The following ASAP3 variants were observed in gnomAD, a reference collection of about 807,000 sequenced individuals.
ASAP3 encodes the protein ArfGAP with SH3 domain, ankyrin repeat and PH domain 3, also known as arf-GAP with SH3 domain, ANK repeat and PH domain-containing protein 3.
Under a neutral mutation model 118.2 loss-of-function variants are expected in ASAP3, and 85 were observed. That is an observed-to-expected ratio of 0.72 (90% CI 0.60 to 0.86). The LOEUF is 0.86. ASAP3 is among the 40% of genes least tolerant of loss of function. The pLI, the probability that ASAP3 is intolerant of heterozygous loss-of-function variation, is 0.00. For missense variants in ASAP3, 1,026 were observed against 1,175.0 expected, an observed-to-expected ratio of 0.87 and a Z score of 1.85; for synonymous variants, 432 against 477.4, an observed-to-expected ratio of 0.90 and a Z score of 1.24.
Position 23,431,121 on chromosome 1 carries a change from C to A in ASAP3, c.2551G>T (p.Glu851Ter), listed in dbSNP as rs142945237. Residue 851 changes from glutamate to a stop codon, truncating the protein, a stop_gained, in exon 24 of 25, where the codon GAG becomes TAG. Transcript: ENST00000336689. LOFTEE classifies it high-confidence loss of function. ...EMYLPVRFSS[E>*]STRSYRRGAR... is the part of the protein sequence containing the mutation. ...CCCCGCCGATAGGAGCGAGTGCTCT[C>A]GGAGCTGGAAGGCAGGGAAAGGCCA... is the stretch of plus-strand genomic sequence containing the variant. 1.1e-5 allele frequency: 17 copies of A among 1,585,640 alleles called. No homozygotes were observed. The highest frequency in any genetic ancestry group is 1.5e-5 in the Non-Finnish European group (17 of 1,166,310).
chr1:23,441,238 C>T, intron 9 of ASAP3, 27 bp from the exon 10 acceptor site: 1 of 1,612,828 alleles, frequency 6.2e-7, no homozygotes, highest in Non-Finnish European at 8.5e-7. Context: ...CAAAGGAGAC[C>T]TCAGGGCATC....
intron 3 of ASAP3, among the ~76,000 whole-genome samples, chr1:23,455,070 T>C (rs898854773): frequency 2.0e-5 from 3 of 152,192 alleles, no homozygotes; most frequent in African/African-American, 7.2e-5. Flanking sequence ...TGAGAGGCTT[T>C]CCTGGGAGGC....
rs906904201 is a variant in ASAP3 at position 23,442,292 on chromosome 1, G to T, written c.586-21C>A. 1.3e-5 allele frequency: 20 copies of T among 1,593,328 alleles called. No homozygotes were observed. The African/African-American group carries it at 1.7e-4, about 14-fold the overall frequency. On this transcript the variant is annotated intron_variant, in intron 6 of 24. Coordinates refer to ENST00000336689, the MANE Select transcript of ASAP3 (RefSeq NM_017707.4). The stretch of plus-strand genomic sequence containing the variant: ...AGATACTAGGAGGAGGGCAGGGCAA[G>T]ATACGTGATGTGAGCTGAAGCAGAA...
At position 23,436,846 on chromosome 1, in the gene ASAP3, C is replaced by T. The variant is rs1192972904; in HGVS notation, c.1476+65G>A. 2.5e-6 allele frequency: 4 copies of T among 1,575,610 alleles called. No individual in the cohort carries two copies. The highest frequency in any genetic ancestry group is 1.8e-5 in the Admixed American group (1 of 56,846). On this transcript the variant is annotated intron_variant, in intron 15 of 24. Transcript: ENST00000336689. This position sits in a 1 kb window ranked among gnomAD's most constrained non-coding sequence, Gnocchi z 4.2. ...TCCCACCCACAACCTGCAAGCCCCGCCCCCGGATGAAACTACACCCCTAAC... is the reference window on the plus strand; with the variant it reads ...TCCCACCCACAACCTGCAAGCCCCGTCCCCGGATGAAACTACACCCCTAAC...
intron 1 of ASAP3, among the ~76,000 whole-genome samples, chr1:23,456,747 A>G (rs185862539): frequency 6.6e-4 from 101 of 152,286 alleles, no homozygotes; most frequent in Admixed American, 6.6e-3. Flanking sequence ...AGGCTCAATA[A>G]ACAGTTATGT....
chr1:23,467,730 T>C (rs773572901), intron 1 of ASAP3, among the ~76,000 whole-genome samples: 6 of 151,788 alleles, frequency 4.0e-5, no homozygotes, highest in African/African-American at 7.2e-5. Flanking sequence ...GGGAGGTGGA[T>C]CACGAGGTCA....
intron 1 of ASAP3, among the ~76,000 whole-genome samples, chr1:23,469,512 G>A (rs1262543452): frequency 6.6e-6 from 1 of 152,086 alleles, no homozygotes; most frequent in Non-Finnish European, 1.5e-5. Flanking sequence ...TGTTCAAGCG[G>A]GACAAAGAGG....
rs1640585579 is a variant in ASAP3, at chr1:23,434,951, CA to C, written c.1750-334del. The stretch of plus-strand genomic sequence containing the variant: ...ACTATCACACATGTGCAGGCTGTTC[CA>C]AATTCTTACCTCACCTAAGTGCTGC... On this transcript the variant is annotated intron_variant, in intron 17 of 24. Coordinates refer to ENST00000336689, the MANE Select transcript of ASAP3 (RefSeq NM_017707.4). Among the ~76,000 whole-genome samples, 4 of 152,182 alleles carry C rather than the reference CA, an allele frequency of 2.6e-5. No individual in the cohort carries two copies. In the South Asian group the frequency reaches 8.3e-4, roughly 32 times the overall value.
chr1:23,445,935 T>C (rs923477130), intron 5 of ASAP3, among the ~76,000 whole-genome samples: 1 of 151,986 alleles, frequency 6.6e-6, no homozygotes, highest in Non-Finnish European at 1.5e-5. Context: ...TGAGCCATGA[T>C]TGCACCACTG....
chr1:23,475,550 A>C (rs1642101267), intron 1 of ASAP3, among the ~76,000 whole-genome samples: 1 of 152,218 alleles, frequency 6.6e-6, no homozygotes, highest in South Asian at 2.1e-4. Context: ...GCAGGTTTGA[A>C]ACCCACGGTC....
intron 1 of ASAP3, among the ~76,000 whole-genome samples, chr1:23,473,761 G>C (rs1186328023): frequency 6.6e-6 from 1 of 152,050 alleles, no homozygotes; most frequent in Non-Finnish European, 1.5e-5. Flanking sequence ...GACAACTCTG[G>C]GAAGACCCTC....
rs1570329423 is a variant in ASAP3, at chr1:23,434,637, C to T, written c.1750-19G>A. Reference sequence around the variant, plus strand: ...CAGGTGCCTGAAAACACATCCACACCTCTGAGATTCCCCCCCCAGTGCACC... The same window carrying T: ...CAGGTGCCTGAAAACACATCCACACTTCTGAGATTCCCCCCCCAGTGCACC... On this transcript the variant is annotated intron_variant, in intron 17 of 24. Transcript: ENST00000336689. 3 of 1,609,890 alleles carry T rather than the reference C, an allele frequency of 1.9e-6. No homozygotes were observed. The East Asian group carries it at 6.7e-5, about 36-fold the overall frequency.
chr1:23,452,567 A>G, intron 4 of ASAP3, 130 bp downstream of exon 4: 1 of 1,005,250 alleles, frequency 9.9e-7, no homozygotes. Flanking sequence ...AGACCTCCCC[A>G]GGCTCATCAC....
chr1:23,446,512 A>C (rs531399014), intron 5 of ASAP3, among the ~76,000 whole-genome samples: 33 of 146,742 alleles, frequency 2.2e-4, no homozygotes, highest in African/African-American at 8.4e-4. Flanking sequence ...ATCTCAGCTC[A>C]CTGCAACCTC....
At chr1:23,475,529 C>T (rs888712801) in intron 1 of ASAP3, among the ~76,000 whole-genome samples, 1 of 152,202 alleles carries the variant, frequency 6.6e-6, no homozygotes, top group African/African-American at 2.4e-5. Context: ...CCAAGTGATT[C>T]TGACACAGAT....
rs551324888 is a variant in ASAP3, at chr1:23,464,193, A to T, written c.130-7999T>A. Among the ~76,000 whole-genome samples the T allele has an allele frequency of 1.2e-3, 175 of 144,186 alleles. 2 individuals are homozygous for T. The highest frequency in any genetic ancestry group is 5.5e-3 in the Admixed American group (79 of 14,380). 94.6% of individuals were successfully genotyped at this position (144,186 alleles called of 152,430 possible). A position where few individuals can be genotyped will look rare whatever the true frequency, so the allele number is the denominator to read the frequency against. ...CCGATCTATACCAAAAAAAAAAAAA[A>T]TTTTTTTTTTTGAGACACAGTCTCT... On this transcript the variant is annotated intron_variant, in intron 1 of 24. Transcript: ENST00000336689.
intron 1 of ASAP3, among the ~76,000 whole-genome samples, chr1:23,477,101 C>T (rs1353880456): frequency 1.3e-5 from 2 of 151,166 alleles, no homozygotes; most frequent in African/African-American, 2.4e-5. Flanking sequence ...ACTGCAACCT[C>T]CACCTCCCGG....
intron 1 of ASAP3, among the ~76,000 whole-genome samples, chr1:23,463,059 G>A (rs934496492): frequency 1.3e-5 from 2 of 152,138 alleles, no homozygotes; most frequent in Non-Finnish European, 2.9e-5. Flanking sequence ...GAAGGGAGGC[G>A]TGCTCTGGGA....
Position 23,434,572 on chromosome 1 carries a change from T to G in ASAP3, c.1796A>C (p.Gln599Pro). Residue 599 changes from glutamine (Q) to proline (P), a missense_variant, in exon 18 of 25, where the codon CAG (glutamine) becomes CCG (proline). Gln to Pro is a moderately conservative substitution (Grantham distance 76, BLOSUM62 -1). Transcript: ENST00000336689. Reference sequence around the variant, plus strand: ...GAAATCCACCAGAGGCAGGGAAGCCTGGTTGGCGACTTTGACAGCCAAATG... The same window carrying G: ...GAAATCCACCAGAGGCAGGGAAGCCGGGTTGGCGACTTTGACAGCCAAATG... The part of the protein sequence containing the change: ...VLHLAVKVAN[Q>P]ASLPLVDFII... 6.2e-7 allele frequency: 1 copy of G among 1,614,098 alleles called. No homozygotes were observed. Among genetic ancestry groups the G allele is most frequent in the Non-Finnish European group, 8.5e-7 (1 of 1,180,012 alleles).
Sources: gnomAD v4.1 joint callset for allele counts (sites outside exome capture counted in the v4.1 genomes callset) on GRCh38, gnomAD v4.1.1 for gene constraint, Gnocchi (gnomAD v3.1) non-coding constraint, MANE v1.5 for transcripts, NCBI Gene and HGNC (gene_info 2026-07-23, HGNC 2026-07-21) for gene names.